Variants in MCAT observed in about 807,000 individuals in gnomAD.
MCAT encodes the protein malonyl-CoA-acyl carrier protein transacylase, mitochondrial.
In MCAT, 22 loss-of-function variants were observed where a neutral mutation model predicts 22.9. That is an observed-to-expected ratio of 0.96 (90% confidence interval 0.69 to 1.37). MCAT has a LOEUF of 1.37. MCAT is among the 40% of genes most tolerant of loss of function. The pLI, the probability that MCAT is intolerant of heterozygous loss-of-function variation, is 0.00. For missense variants in MCAT, 534 were observed against 533.6 expected (o/e 1.00, Z -0.01); for synonymous variants, 240 against 233.9 (o/e 1.03, Z -0.24).
intron 3 of MCAT, among the ~76,000 whole-genome samples, chr22:43,136,429 GC>G (rs1310076289): frequency 3.3e-5 from 5 of 152,220 alleles, no homozygotes; most frequent in Non-Finnish European, 4.4e-5. Flanking sequence ...GGGGGCTCCT[GC>G]CGCTCTGCTC....
Position 43,132,980 on chromosome 22 carries a change from G to A in MCAT, c.*63C>T, listed in dbSNP as rs566445669. ...GCCATTAGGAAGGTAGGGGGCGACAGGCACAGCCTACAGCCTCTCCTCAGG... is the reference window on the plus strand; with the variant it reads ...GCCATTAGGAAGGTAGGGGGCGACAAGCACAGCCTACAGCCTCTCCTCAGG... On this transcript the variant is annotated 3_prime_UTR_variant, in exon 4 of 4. Transcript: ENST00000290429. 1 of 1,501,028 alleles carries A rather than the reference G, an allele frequency of 6.7e-7. No individual in the cohort carries two copies. The highest frequency in any genetic ancestry group is 2.3e-5 in the East Asian group (1 of 43,886). The allele number at this position is 1,501,028 out of a possible 1,614,324, so 93.0% of individuals were successfully genotyped here. A position where few individuals can be genotyped will look rare whatever the true frequency, so the allele number is the denominator to read the frequency against.
rs1362955627 is a variant in MCAT, at chr22:43,133,439, G to A, written c.777C>T (p.Arg259=). 6.2e-7 allele frequency: 1 copy of A among 1,613,762 alleles called. No homozygotes were observed. Among genetic ancestry groups the A allele is most frequent in the Non-Finnish European group, 8.5e-7 (1 of 1,179,926 alleles). The change falls in exon 4 of 4, where the codon CGC becomes CGT. Residue 259 remains arginine, a synonymous_variant. Coordinates refer to ENST00000290429, the MANE Select transcript of MCAT (RefSeq NM_173467.5). ...CGCCACTAACCGGCAACATCCTGGT[G>A]CGTCTGAAATGAAACTTAGAGGAAT... ...QKNSSKFHFR[R]TRMLPVSGAF... is the part of the protein sequence containing the mutation.
At chr22:43,139,643 A>G (rs977869705) in intron 2 of MCAT, among the ~76,000 whole-genome samples, 3 of 151,674 alleles carry the variant, frequency 2.0e-5, no homozygotes, top group African/African-American at 7.3e-5. Flanking sequence ...CAGTGGCACA[A>G]TCTCGGCTCA....
At position 43,143,321 on chromosome 22, in the gene MCAT, ACG is replaced by A; in HGVS notation, c.26_27del (p.Ala9ValfsTer135). 5 of 1,402,036 alleles carry A rather than the reference ACG, an allele frequency of 3.6e-6. No individual in the cohort carries two copies. The highest frequency in any genetic ancestry group is 4.6e-6 in the Non-Finnish European group (5 of 1,089,566). 86.8% of individuals were successfully genotyped at this position (1,402,036 alleles called of 1,614,324 possible). The stretch of plus-strand genomic sequence containing the variant: ...TAGCTGGCGCCCAAGCCCCTGACCC[ACG>A]CTACCCGTGCGACCCGGACGCTCAT... MSVRVARVAWVRGLGASYR... is the reference protein window; with the variant it reads MSVRVARVXWVRGLGASYR... On this transcript the variant is annotated frameshift_variant, in exon 1 of 4. Transcript: ENST00000290429. LOFTEE classifies it high-confidence loss of function.
intron 3 of MCAT, among the ~76,000 whole-genome samples, chr22:43,133,891 C>T (rs939474798): frequency 1.3e-5 from 2 of 151,590 alleles, no homozygotes; most frequent in African/African-American, 2.4e-5. Flanking sequence ...CTGCAAGCTC[C>T]GCCTCCCAGG....
At chr22:43,140,937 G>A in intron 2 of MCAT, 2 of 564,846 alleles carry the variant, frequency 3.5e-6, no homozygotes, top group Non-Finnish European at 6.4e-6. Flanking sequence ...AGACAGTTCA[G>A]CAAGCAGATT....
chr22:43,141,696 C>T (rs940431271), intron 1 of MCAT, among the ~76,000 whole-genome samples: 2 of 152,140 alleles, frequency 1.3e-5, no homozygotes, highest in Non-Finnish European at 2.9e-5. Flanking sequence ...CTCAGCCTCC[C>T]GAGTTGCTGG....
chr22:43,137,013 C>A, intron 3 of MCAT, 68 bp downstream of exon 3: 1 of 1,363,128 alleles, frequency 7.3e-7, no homozygotes, highest in African/African-American at 1.4e-5. Context: ...CTAGGCCTCA[C>A]GGGTGTGGAG....
rs551388847 is a variant in MCAT at position 43,139,981 on chromosome 22, A to T, written c.511+1181T>A. ...TTTCCTTAATAATGTTATAACGCTT[A>T]AAAAAAAAGCACTGCAGTGAAATTC... On this transcript the variant is annotated intron_variant, in intron 2 of 3. Coordinates refer to ENST00000290429, the MANE Select transcript of MCAT (RefSeq NM_173467.5). Among the ~76,000 whole-genome samples the T allele has an allele frequency of 1.3e-4, 20 of 150,024 alleles. No homozygotes were observed. In the East Asian group the frequency reaches 1.7e-3, roughly 13 times the overall value.
intron 1 of MCAT, among the ~76,000 whole-genome samples, chr22:43,141,563 G>A (rs889090610): frequency 6.6e-6 from 1 of 151,914 alleles, no homozygotes; most frequent in Non-Finnish European, 1.5e-5. Flanking sequence ...TTGTGCACAA[G>A]TTAAGAGCAT....
rs777075641 is a variant in MCAT at position 43,142,966 on chromosome 22, G to T, written c.383C>A (p.Ser128Ter). 6.3e-7 allele frequency: 1 copy of T among 1,595,460 alleles called. No individual in the cohort carries two copies. Among genetic ancestry groups the T allele is most frequent in the Admixed American group, 1.7e-5 (1 of 58,298 alleles). Residue 128 changes from serine (S) to a stop codon, truncating the protein, a stop_gained, in exon 1 of 4, where the codon TCG (serine) becomes TAG (stop). Transcript: ENST00000290429. LOFTEE classifies it high-confidence loss of function. ...VHCQPAIFVA[S>*]LAAVEKLHHL... ...ATGTAGTTTCTCGACAGCGGCCAGC[G>T]ATGCCACGAAGATCGCGGGCTGACA...
intron 1 of MCAT, 56 bp downstream of exon 1, chr22:43,142,870 C>G: frequency 7.0e-7 from 1 of 1,424,718 alleles, no homozygotes; most frequent in East Asian, 2.8e-5. Flanking sequence ...CTGGCAGGGC[C>G]AAGAGCTCAG....
At chr22:43,135,510 C>CAAAAAAA (rs1300123609) in intron 3 of MCAT, among the ~76,000 whole-genome samples, 1 of 76,378 alleles carries the variant, frequency 1.3e-5, no homozygotes, top group Non-Finnish European at 3.2e-5. Flanking sequence ...TCTCAAAAAA[C>CAAAAAAA]AAAAAAAAAA....
chr22:43,139,965 T>C (rs1362695486), intron 2 of MCAT, among the ~76,000 whole-genome samples: 1 of 152,130 alleles, frequency 6.6e-6, no homozygotes, highest in East Asian at 1.9e-4. Flanking sequence ...CTTTCCTTAA[T>C]AATGTTATAA....
Position 43,143,001 on chromosome 22 carries a change from G to A in MCAT, c.348C>T (p.Arg116=). 2 of 1,607,688 alleles carry A rather than the reference G, an allele frequency of 1.2e-6. No homozygotes were observed. Among genetic ancestry groups the A allele is most frequent in the Non-Finnish European group, 1.7e-6 (2 of 1,177,808 alleles). ...AGATCGCGGGCTGACAGTGCACGGT[G>A]CGGTCCAGGGTCTCCTGCGGCCCGT... ...SLHGPQETLD[R]TVHCQPAIFV... is the part of the protein sequence containing the mutation. The change falls in exon 1 of 4, where the codon CGC becomes CGT. Residue 116 remains arginine (R), a synonymous_variant. Transcript: ENST00000290429.
chr22:43,142,619 T>C (rs1332861024), intron 1 of MCAT, among the ~76,000 whole-genome samples: 1 of 148,538 alleles, frequency 6.7e-6, no homozygotes, highest in African/African-American at 2.5e-5. Flanking sequence ...ACCCCGTCTC[T>C]ACTAAAAATA....
chr22:43,134,615 C>T (rs1569471377), intron 3 of MCAT, among the ~76,000 whole-genome samples: 1 of 152,346 alleles, frequency 6.6e-6, no homozygotes. Flanking sequence ...TCCCTAGAGA[C>T]TGTTCCTGTT....
intron 3 of MCAT, among the ~76,000 whole-genome samples, chr22:43,135,967 G>C (rs1930597278): frequency 6.6e-6 from 1 of 152,192 alleles, no homozygotes; most frequent in Non-Finnish European, 1.5e-5. Flanking sequence ...CTTTAGCTGG[G>C]TGTGGTGGCC....
In MCAT at chr22:43,132,310, G is replaced by C. The variant is rs528696061; in HGVS notation, c.*733C>G. ...GCAGGTATGTGCTGTGCTCCCTCTG[G>C]CGCCCCGCAGACCCGCAGTCCCAGT... On this transcript the variant is annotated 3_prime_UTR_variant, in exon 4 of 4. Coordinates refer to ENST00000290429, the MANE Select transcript of MCAT (RefSeq NM_173467.5). 7 of 152,360 alleles carry C rather than the reference G, an allele frequency of 4.6e-5. No homozygotes were observed. In the East Asian group the frequency reaches 9.7e-4, roughly 21 times the overall value. The allele number at this position is 152,360 out of a possible 1,614,324, so 9.4% of individuals were successfully genotyped here.
Sources: allele counts gnomAD v4.1 joint callset (sites outside exome capture counted in the v4.1 genomes callset), GRCh38; gene constraint gnomAD v4.1.1; transcripts MANE v1.5; gene names NCBI Gene and HGNC (gene_info 2026-07-23, HGNC 2026-07-21).